CENPW: variants seen among roughly 807,000 people sequenced by gnomAD.
CENPW encodes the protein cancer-up-regulated gene 2 protein.
A neutral mutation model predicts 11.1 loss-of-function variants in CENPW; 3 were observed. That is an observed-to-expected ratio of 0.27 (90% CI 0.12 to 0.70). CENPW has a LOEUF of 0.70. CENPW is among the 30% of genes least tolerant of loss of function. The pLI, the probability that CENPW is intolerant of heterozygous loss-of-function variation, is 0.77. For missense variants in CENPW, 100 were observed against 105.6 expected (o/e 0.95, Z 0.23); for synonymous variants, 38 against 42.0 (o/e 0.91, Z 0.37).
At chr6:126,374,569 A>G in the CENPW span, among the ~76,000 whole-genome samples, 5 of 152,176 alleles carry the variant, frequency 3.3e-5, no homozygotes, top group Non-Finnish European at 5.9e-5. Flanking sequence ...ATTTGTGGCA[A>G]CTGAGATCAC....
At chr6:126,401,846 C>G in the CENPW span, among the ~76,000 whole-genome samples, 1 of 151,998 alleles carries the variant, frequency 6.6e-6, no homozygotes, top group Non-Finnish European at 1.5e-5. Flanking sequence ...GGAGTGGATT[C>G]CTCTTATGTC....
chr6:126,405,671 ATTTC>A, the CENPW span, among the ~76,000 whole-genome samples: 1 of 151,950 alleles, frequency 6.6e-6, no homozygotes, highest in Non-Finnish European at 1.5e-5. Flanking sequence ...GTCTGCTTCA[ATTTC>A]TTTAATTGGT....
At chr6:126,369,846 G>A in the CENPW span, among the ~76,000 whole-genome samples, 14 of 152,212 alleles carry the variant, frequency 9.2e-5, no homozygotes, top group Non-Finnish European at 1.6e-4. Flanking sequence ...TGAAGTATTT[G>A]CCTAAGCCAA....
the CENPW span, among the ~76,000 whole-genome samples, chr6:126,389,318 G>A: frequency 6.6e-6 from 1 of 151,830 alleles, no homozygotes; most frequent in Non-Finnish European, 1.5e-5. Flanking sequence ...TTTACTGTAA[G>A]AGTACTTTGT....
the CENPW span, among the ~76,000 whole-genome samples, chr6:126,388,661 C>A: frequency 4.9e-4 from 74 of 152,056 alleles, no homozygotes; most frequent in African/African-American, 1.7e-3. Context: ...GGTTGATGTA[C>A]TTGGAGGCCA....
intron 1 of CENPW, among the ~76,000 whole-genome samples, chr6:126,340,940 G>C (rs1159121547): frequency 6.6e-6 from 1 of 152,026 alleles, no homozygotes; most frequent in African/African-American, 2.4e-5. Flanking sequence ...TTTCCTCTAG[G>C]TGAGGGTGCT....
the CENPW span, among the ~76,000 whole-genome samples, chr6:126,394,518 T>G: frequency 6.6e-6 from 1 of 152,140 alleles, no homozygotes; most frequent in South Asian, 2.1e-4. Context: ...AGTTATTATT[T>G]TTGATCATTT....
the CENPW span, among the ~76,000 whole-genome samples, chr6:126,364,448 C>A: frequency 6.6e-6 from 1 of 152,196 alleles, no homozygotes; most frequent in East Asian, 1.9e-4. Flanking sequence ...CCAAAGTTTC[C>A]TGTTAATAAA....
the CENPW span, among the ~76,000 whole-genome samples, chr6:126,406,631 A>T: frequency 6.6e-6 from 1 of 152,050 alleles, no homozygotes; most frequent in African/African-American, 2.4e-5. Context: ...AGGTGGGCAT[A>T]TCACAAGGTC....
the CENPW span, among the ~76,000 whole-genome samples, chr6:126,383,345 A>T: frequency 2.6e-5 from 4 of 152,178 alleles, no homozygotes; most frequent in Non-Finnish European, 4.4e-5. Context: ...GACCAGTGAC[A>T]CTATGAAGAA....
the CENPW span, among the ~76,000 whole-genome samples, chr6:126,442,499 T>C: frequency 6.6e-6 from 1 of 151,424 alleles, no homozygotes; most frequent in Non-Finnish European, 1.5e-5. Context: ...TGTGAATAAG[T>C]TTTCTGCTTG....
At chr6:126,340,501 T>C in intron 1 of CENPW, 102 bp downstream of exon 1, 2 of 1,555,140 alleles carry the variant, frequency 1.3e-6, no homozygotes, top group Non-Finnish European at 1.8e-6. Flanking sequence ...TTATAGCTCT[T>C]TCAGGCCCCT....
the CENPW span, among the ~76,000 whole-genome samples, chr6:126,429,197 A>T: frequency 1.3e-5 from 2 of 152,212 alleles, no homozygotes; most frequent in Admixed American, 1.3e-4. Flanking sequence ...CATCTCAAGA[A>T]ATACACAAAA....
At chr6:126,468,527 G>T in the CENPW span, among the ~76,000 whole-genome samples, 1 of 145,010 alleles carries the variant, frequency 6.9e-6, no homozygotes, top group Admixed American at 6.9e-5. Flanking sequence ...AAAAACTAAA[G>T]AAATCTGAAT....
chr6:126,397,264 A>G, the CENPW span, among the ~76,000 whole-genome samples: 1 of 152,088 alleles, frequency 6.6e-6, no homozygotes, highest in Non-Finnish European at 1.5e-5. Context: ...CCCTAGGGCT[A>G]GTCTAAATGT....
chr6:126,405,917 A>T, the CENPW span, among the ~76,000 whole-genome samples: 10 of 151,974 alleles, frequency 6.6e-5, no homozygotes, highest in African/African-American at 9.7e-5. Flanking sequence ...ATTTTTCCAT[A>T]TATAAGATTA....
the CENPW span, among the ~76,000 whole-genome samples, chr6:126,455,062 T>C: frequency 4.0e-5 from 6 of 151,122 alleles, no homozygotes; most frequent in African/African-American, 1.5e-4. Flanking sequence ...AGTTCCAAAA[T>C]TGAATCAGTC....
chr6:126,383,568 G>A, the CENPW span, among the ~76,000 whole-genome samples: 10 of 152,046 alleles, frequency 6.6e-5, no homozygotes, highest in African/African-American at 2.2e-4. Flanking sequence ...CAAAATAAAG[G>A]GGTGGAGAAA....
the CENPW span, among the ~76,000 whole-genome samples, chr6:126,474,058 A>G: frequency 6.7e-6 from 1 of 149,500 alleles, no homozygotes; most frequent in East Asian, 1.9e-4. Context: ...TACTGAGGGC[A>G]CAATGAGAGT....
Sources: gnomAD v4.1 joint callset for allele counts (sites outside exome capture counted in the v4.1 genomes callset) on GRCh38, gnomAD v4.1.1 for gene constraint, MANE v1.5 for transcripts, NCBI Gene and HGNC (gene_info 2026-07-23, HGNC 2026-07-21) for gene names.